The following SLC22A3 variants were observed in gnomAD, a reference collection of about 807,000 sequenced individuals.
The protein encoded by SLC22A3 is solute carrier family 22 member 3.
Under a neutral mutation model 59.1 loss-of-function variants are expected in SLC22A3, and 51 were observed. The observed-to-expected ratio is 0.86, with a 90% CI of 0.69 to 1.09. The LOEUF is 1.09. Ranked by LOEUF, SLC22A3 falls within the 50% of genes least tolerant of loss-of-function variation. The pLI is 0.00. For synonymous variants in SLC22A3, 325 were observed against 292.0 expected, an observed-to-expected ratio of 1.11 and a Z score of -1.15; for missense variants, 711 against 726.3, an observed-to-expected ratio of 0.98 and a Z score of 0.24.
chr6:160,356,301 AG>A (rs999978875), intron 1 of SLC22A3, among the ~76,000 whole-genome samples: 1 of 152,208 alleles, frequency 6.6e-6, no homozygotes, highest in Non-Finnish European at 1.5e-5. Context: ...GGAGGAAAAC[AG>A]GCCTCCACTT....
intron 5 of SLC22A3, among the ~76,000 whole-genome samples, chr6:160,436,119 G>A (rs1029879630): frequency 2.0e-5 from 3 of 152,170 alleles, no homozygotes; most frequent in African/African-American, 7.2e-5. Context: ...CTGGAGCTGC[G>A]GTCACTGCAG....
intron 2 of SLC22A3, among the ~76,000 whole-genome samples, chr6:160,400,822 G>A (rs1786743053): frequency 6.6e-6 from 1 of 151,914 alleles, no homozygotes. Flanking sequence ...TATGTAAGTA[G>A]AGAGATGGAA....
chr6:160,359,203 C>G (rs1221411443), intron 1 of SLC22A3, among the ~76,000 whole-genome samples: 2 of 152,080 alleles, frequency 1.3e-5, no homozygotes, highest in Non-Finnish European at 2.9e-5. Context: ...GAAAATACTC[C>G]CCCAACCCAA....
rs185297860 is a variant in SLC22A3, at chr6:160,368,225, G to A, written c.429+19377G>A. ...GAAAATAGAAAACTTGGAATAATAC[G>A]CTTCTTCGATGTCCTGCACCAGGAC... On this transcript the variant is annotated intron_variant, in intron 1 of 10. Transcript: ENST00000275300. Among the ~76,000 whole-genome samples the A allele has an allele frequency of 2.3e-3, 346 of 152,026 alleles. 2 individuals are homozygous for A. The highest frequency in any genetic ancestry group is 3.9e-3 in the Non-Finnish European group (268 of 67,984).
intron 5 of SLC22A3, among the ~76,000 whole-genome samples, chr6:160,425,094 G>C (rs1052068487): frequency 2.0e-5 from 3 of 152,092 alleles, no homozygotes; most frequent in African/African-American, 7.2e-5. Context: ...CTTCATGTAG[G>C]GTTGCTTGCT....
chr6:160,430,334 T>C (rs910783419), intron 5 of SLC22A3, among the ~76,000 whole-genome samples: 8 of 152,192 alleles, frequency 5.3e-5, no homozygotes, highest in African/African-American at 1.9e-4. Context: ...ATACCACATG[T>C]CTGGCCTAAC....
rs988134459 is a variant in SLC22A3, at chr6:160,439,719, C to T, written c.1288+2508C>T. Reference sequence around the variant, plus strand: ...TCAGCAAGACTGAAAATGAATTGCTCTTATTCTAGACACATTTTATTTTTA... The same window carrying T: ...TCAGCAAGACTGAAAATGAATTGCTTTTATTCTAGACACATTTTATTTTTA... On this transcript the variant is annotated intron_variant, in intron 7 of 10. Transcript: ENST00000275300. 2.6e-5 allele frequency among the ~76,000 whole-genome samples: 4 copies of T among 152,308 alleles called. No homozygotes were observed. In the East Asian group the frequency reaches 5.8e-4, roughly 22 times the overall value.
intron 5 of SLC22A3, among the ~76,000 whole-genome samples, chr6:160,418,787 A>C (rs559741589): frequency 4.9e-4 from 74 of 152,354 alleles, no homozygotes; most frequent in African/African-American, 1.8e-3. Flanking sequence ...AGTAGGTTAC[A>C]GTTCTAGCTA....
At chr6:160,389,209 T>C (rs938998139) in intron 1 of SLC22A3, among the ~76,000 whole-genome samples, 1 of 152,166 alleles carries the variant, frequency 6.6e-6, no homozygotes, top group African/African-American at 2.4e-5. Flanking sequence ...GTGACCTGAT[T>C]TTTCCATAGA....
intron 1 of SLC22A3, among the ~76,000 whole-genome samples, chr6:160,357,146 C>G (rs1784868930): frequency 6.6e-6 from 1 of 152,198 alleles, no homozygotes; most frequent in South Asian, 2.1e-4. Context: ...AGGGTAGGCA[C>G]AAGCCTGGAC....
chr6:160,419,505 T>G (rs977940605), intron 5 of SLC22A3, among the ~76,000 whole-genome samples: 3 of 152,192 alleles, frequency 2.0e-5, no homozygotes, highest in African/African-American at 7.2e-5. Context: ...GGGAATTCAT[T>G]TCAAAAGATC....
At chr6:160,401,613 A>G in intron 2 of SLC22A3, among the ~76,000 whole-genome samples, 1 of 152,032 alleles carries the variant, frequency 6.6e-6, no homozygotes, top group Non-Finnish European at 1.5e-5. Flanking sequence ...GGAGAGGAAT[A>G]AGCAATTGAG....
At chr6:160,448,692 T>A (rs1788840718) in intron 10 of SLC22A3, among the ~76,000 whole-genome samples, 1 of 152,162 alleles carries the variant, frequency 6.6e-6, no homozygotes, top group African/African-American at 2.4e-5. Flanking sequence ...TCTAATTGTT[T>A]GAAATTTTTT....
chr6:160,404,824 A>G (rs985124150), intron 2 of SLC22A3, among the ~76,000 whole-genome samples: 5 of 151,862 alleles, frequency 3.3e-5, no homozygotes, highest in Non-Finnish European at 7.4e-5. Context: ...CCTTTGACAA[A>G]GCAGAAAACA....
chr6:160,365,120 T>C (rs1490251785), intron 1 of SLC22A3, among the ~76,000 whole-genome samples: 1 of 152,246 alleles, frequency 6.6e-6, no homozygotes, highest in Non-Finnish European at 1.5e-5. Flanking sequence ...TAATGTATTC[T>C]CTGGGTTTAT....
intron 1 of SLC22A3, among the ~76,000 whole-genome samples, chr6:160,359,396 G>A (rs1336634849): frequency 6.6e-6 from 1 of 152,124 alleles, no homozygotes; most frequent in Admixed American, 6.5e-5. Flanking sequence ...AGCCAATGGG[G>A]ACAAAAATTT....
At chr6:160,443,570 G>A in intron 8 of SLC22A3, 60 bp from the exon 9 acceptor site, 1 of 1,124,410 alleles carries the variant, frequency 8.9e-7, no homozygotes, top group African/African-American at 1.5e-5. Flanking sequence ...TGAATATGTT[G>A]ATTATCTTGA....
intron 4 of SLC22A3, among the ~76,000 whole-genome samples, chr6:160,410,362 A>T (rs2114859331): frequency 6.6e-6 from 1 of 152,344 alleles, no homozygotes; most frequent in South Asian, 2.1e-4. Context: ...TGATTCTTCT[A>T]ATTTAATTTT....
rs754356941 is a variant in SLC22A3, at chr6:160,421,824, A to G, written c.975+10978A>G. On this transcript the variant is annotated intron_variant, in intron 5 of 10. Coordinates refer to ENST00000275300, the MANE Select transcript of SLC22A3 (RefSeq NM_021977.4). ...AGGGCCTTCTGATACCCTCTCTGGA[A>G]TCCTTCCACTCTATCAGTGTGAGGG... is the stretch of plus-strand genomic sequence containing the variant. Among the ~76,000 whole-genome samples, 93 of 152,186 alleles carry G rather than the reference A, an allele frequency of 6.1e-4. 2 individuals are homozygous for G. Among genetic ancestry groups the G allele is most frequent in the Admixed American group, 4.6e-4 (7 of 15,284 alleles).
Sources: gnomAD v4.1 joint callset for allele counts (sites outside exome capture counted in the v4.1 genomes callset) on GRCh38, gnomAD v4.1.1 for gene constraint, MANE v1.5 for transcripts, NCBI Gene and HGNC (gene_info 2026-07-23, HGNC 2026-07-21) for gene names.